Variants in ZNF431 observed in about 807,000 individuals in gnomAD.
The protein encoded by ZNF431 is zinc finger protein 431.
A neutral mutation model predicts 57.0 loss-of-function variants in ZNF431; 34 were observed. The observed-to-expected ratio is 0.60, with a 90% confidence interval of 0.45 to 0.79. The LOEUF (loss-of-function observed/expected upper bound fraction) is 0.79, where lower values mean the gene tolerates loss of function less well. Among genes scored for constraint, ZNF431 ranks in the 30% least tolerant of loss-of-function variants. The probability of loss-of-function intolerance (pLI) is 0.00; values close to 1 mark genes in which losing one functional copy is unlikely to be tolerated. For missense variants in ZNF431, 607 were observed against 667.1 expected (o/e 0.91, Z 0.99); for synonymous variants, 207 against 220.3 (o/e 0.94, Z 0.54).
intron 2 of ZNF431, chr19:21,150,289 G>T: frequency 4.2e-6 from 2 of 472,848 alleles, no homozygotes; most frequent in East Asian, 5.0e-5. Context: ...TTCGGGTGAG[G>T]TCCCTTTTGG....
intron 2 of ZNF431, among the ~76,000 whole-genome samples, chr19:21,149,233 T>C (rs1970194826): frequency 6.6e-6 from 1 of 152,198 alleles, no homozygotes. Flanking sequence ...TCTACTGGCT[T>C]CAAGATAGGT....
chr19:21,176,833 A>T (rs1348828291), intron 4 of ZNF431, among the ~76,000 whole-genome samples: 15 of 151,942 alleles, frequency 9.9e-5, no homozygotes, highest in Admixed American at 9.8e-4. Flanking sequence ...AGTAGCTGGG[A>T]TTACAGGCGC....
chr19:21,175,212 G>A (rs557666818), intron 4 of ZNF431, among the ~76,000 whole-genome samples: 1 of 152,036 alleles, frequency 6.6e-6, no homozygotes, highest in African/African-American at 2.4e-5. Context: ...ATCCCAAACC[G>A]AGATAGTTTT....
intron 2 of ZNF431, among the ~76,000 whole-genome samples, chr19:21,161,643 T>TTTTG (rs957151401): frequency 9.3e-4 from 141 of 151,916 alleles, no homozygotes; most frequent in African/African-American, 2.9e-3. Context: ...CCCAGGTCTG[T>TTTTG]TTTGTTTGTT....
intron 4 of ZNF431, among the ~76,000 whole-genome samples, chr19:21,175,049 A>G (rs905711281): frequency 1.4e-4 from 22 of 152,006 alleles, no homozygotes; most frequent in South Asian, 6.2e-4. Flanking sequence ...GAGCCGCTGC[A>G]CCTGGCCAAT....
chr19:21,146,669 A>C, intron 2 of ZNF431, among the ~76,000 whole-genome samples: 1 of 152,236 alleles, frequency 6.6e-6, no homozygotes, highest in East Asian at 1.9e-4. Flanking sequence ...CTCTCGTCAC[A>C]TCTTGGTTTT....
At position 21,186,716 on chromosome 19, in the gene ZNF431, T is replaced by C. The variant is rs1023307689; in HGVS notation, c.*2682T>C. ...TCTTACATTTTTTTTGTTTTATATT[T>C]TATGAAGTATTCATTATGTGAGCTG... On this transcript the variant is annotated 3_prime_UTR_variant, in exon 5 of 5. Coordinates refer to ENST00000311048, the MANE Select transcript of ZNF431 (RefSeq NM_133473.4). 2 of 152,172 alleles carry C rather than the reference T, an allele frequency of 1.3e-5. No individual in the cohort carries two copies. Among genetic ancestry groups the C allele is most frequent in the African/African-American group, 4.8e-5 (2 of 41,458 alleles). 9.4% of individuals were successfully genotyped at this position (152,172 alleles called of 1,614,324 possible). A position where few individuals can be genotyped will look rare whatever the true frequency, so the allele number is the denominator to read the frequency against.
rs148533494 is a variant in ZNF431 at position 21,182,748 on chromosome 19, G to A, written c.445G>A (p.Ala149Thr). The change falls in exon 5 of 5, where the codon GCA becomes ACA. Residue 149 changes from alanine to threonine, a missense_variant. Physicochemically the swap from Ala to Thr is moderately conservative, Grantham distance 58 (BLOSUM62 0). Coordinates refer to ENST00000311048, the MANE Select transcript of ZNF431 (RefSeq NM_133473.4). The part of the protein sequence containing the change: ...HENLQLRKGS[A>T]SVDEYKVHKE... Reference sequence around the variant, plus strand: ...GAATTTACAGTTAAGAAAAGGCTCCGCAAGTGTAGATGAGTATAAGGTGCA... The same window carrying A: ...GAATTTACAGTTAAGAAAAGGCTCCACAAGTGTAGATGAGTATAAGGTGCA... The A allele has an allele frequency of 2.5e-4, 411 of 1,613,918 alleles. No homozygotes were observed. The African/African-American group carries it at 4.3e-3, about 17-fold the overall frequency.
At chr19:21,173,917 A>C (rs779788712) in intron 4 of ZNF431, among the ~76,000 whole-genome samples, 25 of 151,712 alleles carry the variant, frequency 1.6e-4, no homozygotes, top group Non-Finnish European at 5.9e-5. Flanking sequence ...TTTTTGATGA[A>C]AATTTAGTTC....
Position 21,142,108 on chromosome 19 carries a change from A to G in ZNF431, c.-76A>G. 1 of 1,596,758 alleles carries G rather than the reference A, an allele frequency of 6.3e-7. No individual in the cohort carries two copies. The highest frequency in any genetic ancestry group is 1.1e-5 in the South Asian group (1 of 90,398). On this transcript the variant is annotated 5_prime_UTR_variant, in exon 1 of 5. Coordinates refer to ENST00000311048, the MANE Select transcript of ZNF431 (RefSeq NM_133473.4). Reference sequence around the variant, plus strand: ...CTGTGTCCTCTGCTCCTAGAGGCCCAACATCTGTGGCCCTGTGACCTGCAG... The same window carrying G: ...CTGTGTCCTCTGCTCCTAGAGGCCCGACATCTGTGGCCCTGTGACCTGCAG...
intron 2 of ZNF431, among the ~76,000 whole-genome samples, chr19:21,148,554 C>G (rs1970174204): frequency 6.6e-6 from 1 of 152,208 alleles, no homozygotes; most frequent in Admixed American, 6.5e-5. Context: ...TTTAAACCTT[C>G]AGTTTTATTC....
intron 4 of ZNF431, chr19:21,175,562 A>G (rs984623421): frequency 8.9e-6 from 5 of 564,060 alleles, no homozygotes; most frequent in South Asian, 2.3e-5. Flanking sequence ...TGCATTAGCT[A>G]TTTATCCTGA....
chr19:21,143,575 C>T lies in ZNF431; in HGVS notation c.28C>T (p.Pro10Ser), dbSNP rs761339007. Residue 10 changes from proline (P) to serine (S), a missense_variant, in exon 2 of 5, where the codon CCT (proline) becomes TCT (serine). Physicochemically the swap from Pro to Ser is moderately conservative, Grantham distance 74. Coordinates refer to ENST00000311048, the MANE Select transcript of ZNF431 (RefSeq NM_133473.4). MDDLKYGVY[P>S]LKEASGCPGA... is the part of the protein sequence containing the mutation. ...GGACGACTTGAAATATGGAGTGTAT[C>T]CTCTCAAGGAAGCAAGTGGATGCCC... 23 of 1,613,634 alleles carry T rather than the reference C, an allele frequency of 1.4e-5. No individual in the cohort carries two copies. Among genetic ancestry groups the T allele is most frequent in the Non-Finnish European group, 1.9e-5 (22 of 1,179,744 alleles).
At chr19:21,172,862 A>T (rs1970945608) in intron 4 of ZNF431, among the ~76,000 whole-genome samples, 1 of 152,194 alleles carries the variant, frequency 6.6e-6, no homozygotes, top group Non-Finnish European at 1.5e-5. Context: ...GACTTCTAGA[A>T]ATTTCACATG....
Position 21,161,879 on chromosome 19 carries a change from C to T in ZNF431, c.97-4456C>T, listed in dbSNP as rs145254269. ...ATGTTGGTAAGACTGATCTCGAACTCCCGACCTCAGGTGATTTTCCCACCT... is the reference window on the plus strand; with the variant it reads ...ATGTTGGTAAGACTGATCTCGAACTTCCGACCTCAGGTGATTTTCCCACCT... On this transcript the variant is annotated intron_variant, in intron 2 of 4. Transcript: ENST00000311048. Among the ~76,000 whole-genome samples the T allele has an allele frequency of 3.2e-3, 492 of 152,220 alleles. 3 individuals carry two copies. The highest frequency in any genetic ancestry group is 0.011 in the African/African-American group (452 of 41,530).
intron 2 of ZNF431, among the ~76,000 whole-genome samples, chr19:21,163,074 C>T (rs1351250414): frequency 6.6e-6 from 1 of 152,138 alleles, no homozygotes; most frequent in African/African-American, 2.4e-5. Flanking sequence ...AATTATTGAA[C>T]ACTTAGAGTC....
Position 21,188,995 on chromosome 19 carries a change from A to G in ZNF431, c.*4961A>G, listed in dbSNP as rs754190731. The G allele has an allele frequency of 9.9e-5, 15 of 152,164 alleles. No homozygotes were observed. Among genetic ancestry groups the G allele is most frequent in the Admixed American group, 1.3e-4 (2 of 15,280 alleles). 9.4% of individuals were successfully genotyped at this position (152,164 alleles called of 1,614,324 possible). ...GTTATGATTAAAAAATTAAATGACAATAATAGCCCCAAAACTATATATTTT... is the reference window on the plus strand; with the variant it reads ...GTTATGATTAAAAAATTAAATGACAGTAATAGCCCCAAAACTATATATTTT... On this transcript the variant is annotated 3_prime_UTR_variant, in exon 5 of 5. Transcript: ENST00000311048.
rs937055485 is a variant in ZNF431 at position 21,170,331 on chromosome 19, TA to T, written c.319+2668del. 3.3e-5 allele frequency among the ~76,000 whole-genome samples: 5 copies of T among 152,102 alleles called. No homozygotes were observed. The South Asian group carries it at 6.2e-4, about 19-fold the overall frequency. ...GCATTTTTTGTCAGGGATGACTGAA[TA>T]AATTTTTTTTTGTGGCGAGGATAAT... is the stretch of plus-strand genomic sequence containing the variant. On this transcript the variant is annotated intron_variant, in intron 4 of 4. Coordinates refer to ENST00000311048, the MANE Select transcript of ZNF431 (RefSeq NM_133473.4).
chr19:21,176,665 G>A (rs1971060187), intron 4 of ZNF431, among the ~76,000 whole-genome samples: 1 of 151,964 alleles, frequency 6.6e-6, no homozygotes, highest in Non-Finnish European at 1.5e-5. Flanking sequence ...TCTGTAGATC[G>A]TCTGTTCACT....
Sources: gnomAD v4.1 joint callset for allele counts (sites outside exome capture counted in the v4.1 genomes callset) on GRCh38, gnomAD v4.1.1 for gene constraint, MANE v1.5 for transcripts, NCBI Gene and HGNC (gene_info 2026-07-23, HGNC 2026-07-21) for gene names.